ATP6V0A2: variants seen among roughly 807,000 people sequenced by gnomAD.
ATP6V0A2 encodes the protein V-type proton ATPase 116 kDa subunit a 2.
ATP6V0A2 carries 58 observed loss-of-function variants against 104.4 expected under a neutral mutation model. The observed-to-expected ratio is 0.56, with a 90% CI of 0.45 to 0.69. The LOEUF (loss-of-function observed/expected upper bound fraction) is 0.69. Ranked by LOEUF, ATP6V0A2 falls within the 30% of genes least tolerant of loss-of-function variation. The pLI is 0.00. For missense variants in ATP6V0A2, 938 were observed against 1,062.9 expected (o/e 0.88, Z 1.63); for synonymous variants, 376 against 397.9 (o/e 0.95, Z 0.65).
chr12:123,736,597 A>G (rs546439755), intron 8 of ATP6V0A2, among the ~76,000 whole-genome samples: 2 of 152,220 alleles, frequency 1.3e-5, no homozygotes, highest in African/African-American at 4.8e-5. Flanking sequence ...GATGACAGTG[A>G]GGGTTCTTGT....
chr12:123,748,844 C>A, intron 15 of ATP6V0A2, 59 bp downstream of exon 15: 1 of 1,500,688 alleles, frequency 6.7e-7, no homozygotes, highest in South Asian at 1.1e-5. Flanking sequence ...GTCTTTTATT[C>A]TGAGCAGTAG....
chr12:123,714,148 T>C (rs574767844), intron 1 of ATP6V0A2, among the ~76,000 whole-genome samples: 38 of 152,358 alleles, frequency 2.5e-4, no homozygotes, highest in South Asian at 8.3e-4. Context: ...AAGACACTTA[T>C]CACACTTCAG....
rs765064871 is a variant in ATP6V0A2 at position 123,727,765 on chromosome 12, G to T, written c.522-18G>T. ...TATTGCTTTCAGTTGACTACAGGTT[G>T]ACTTTACTGTCTCACAGATTTGTGT... On this transcript the variant is annotated intron_variant, in intron 5 of 19. Coordinates refer to ENST00000330342, the MANE Select transcript of ATP6V0A2 (RefSeq NM_012463.4). 6.2e-7 allele frequency: 1 copy of T among 1,613,900 alleles called. No homozygotes were observed. Among genetic ancestry groups the T allele is most frequent in the South Asian group, 1.1e-5 (1 of 91,050 alleles).
Position 123,757,940 on chromosome 12 carries a change from A to T in ATP6V0A2, c.2479A>T (p.Asn827Tyr). The T allele has an allele frequency of 6.3e-7, 1 of 1,599,280 alleles. No individual in the cohort carries two copies. The change falls in exon 20 of 20, where the codon AAC becomes TAC. Residue 827 changes from asparagine to tyrosine, a missense_variant. Coordinates refer to ENST00000330342, the MANE Select transcript of ATP6V0A2 (RefSeq NM_012463.4). ...AIRLHWVEFQ[N>Y]KFYVGAGTKF... ...TTTTTTTTTTAGGGTAGAATTTCAG[A>T]ACAAATTCTACGTTGGTGCAGGCAC...
At position 123,737,191 on chromosome 12, in the gene ATP6V0A2, A is replaced by T. The variant is rs1956563228; in HGVS notation, c.958A>T (p.Thr320Ser). 5.0e-6 allele frequency: 8 copies of T among 1,614,164 alleles called. No individual in the cohort carries two copies. Among genetic ancestry groups the T allele is most frequent in the Non-Finnish European group, 6.8e-6 (8 of 1,180,038 alleles). The change falls in exon 9 of 20, where the codon ACC becomes TCC. Residue 320 changes from threonine (T) to serine (S), a missense_variant. Coordinates refer to ENST00000330342, the MANE Select transcript of ATP6V0A2 (RefSeq NM_012463.4). ...HMLNMCSFDV[T>S]NKCLIAEVWC... ...GCTGAACATGTGCAGCTTTGACGTG[A>T]CCAACAAGTGCCTCATTGCTGAGGT...
At chr12:123,717,264 A>G (rs938908334) in intron 1 of ATP6V0A2, among the ~76,000 whole-genome samples, 2 of 149,370 alleles carry the variant, frequency 1.3e-5, no homozygotes, top group Admixed American at 1.4e-4. Context: ...GCAGTGAGCC[A>G]AGATACTGCC....
intron 17 of ATP6V0A2, among the ~76,000 whole-genome samples, chr12:123,752,938 C>T (rs1956730022): frequency 6.6e-6 from 1 of 152,142 alleles, no homozygotes; most frequent in Non-Finnish European, 1.5e-5. Context: ...TTGCCCTGGG[C>T]TTATTTTTTC....
rs77220701 is a variant in ATP6V0A2, at chr12:123,744,078, C to T, written c.1190-123C>T. The T allele has an allele frequency of 2.8e-3, 4,348 of 1,535,504 alleles. 85 individuals carry two copies. In the African/African-American group the frequency reaches 0.051, roughly 18 times the overall value. ...TAAAAGTATAAGGTTTTAAATGTAA[C>T]CACACAATCCTATCTTGTGAATTCT... is the stretch of plus-strand genomic sequence containing the variant. On this transcript the variant is annotated intron_variant, in intron 10 of 19. Coordinates refer to ENST00000330342, the MANE Select transcript of ATP6V0A2 (RefSeq NM_012463.4). This position sits in a 1 kb window ranked among gnomAD's most constrained non-coding sequence, Gnocchi z 5.4.
chr12:123,747,687 T>C lies in ATP6V0A2; in HGVS notation c.1686T>C (p.His562=), dbSNP rs2135913527. The C allele has an allele frequency of 5.0e-6, 8 of 1,612,248 alleles. No individual in the cohort carries two copies. The highest frequency in any genetic ancestry group is 6.8e-6 in the Non-Finnish European group (8 of 1,178,248). Residue 562 remains histidine (H), a synonymous_variant, in exon 14 of 20, where the codon CAT becomes CAC. Transcript: ENST00000330342. ...MKMSVILGII[H]MTFGVILGIF... Reference sequence around the variant, plus strand: ...TGTCCGTGATTTTAGGAATCATTCATATGACTTTTGGAGTCATTCTGGGAA... The same window carrying C: ...TGTCCGTGATTTTAGGAATCATTCACATGACTTTTGGAGTCATTCTGGGAA...
At position 123,722,417 on chromosome 12, in the gene ATP6V0A2, C is replaced by A; in HGVS notation, c.263C>A (p.Ala88Glu). ...CCTGAAGGAGAGGCCAGCCCTCCTG[C>A]GCCACCCCTGAAACAGGTTCTAGAA... ...PLPEGEASPP[A>E]PPLKQVLEMQ... Residue 88 changes from alanine (A) to glutamate (E), a missense_variant, in exon 3 of 20, where the codon GCG becomes GAG. By Grantham distance (107) the Ala-to-Glu change is moderately radical. Coordinates refer to ENST00000330342, the MANE Select transcript of ATP6V0A2 (RefSeq NM_012463.4). 1 of 1,611,274 alleles carries A rather than the reference C, an allele frequency of 6.2e-7. No homozygotes were observed. The highest frequency in any genetic ancestry group is 8.5e-7 in the Non-Finnish European group (1 of 1,177,414).
At chr12:123,729,872 T>G (rs1257117414) in intron 6 of ATP6V0A2, among the ~76,000 whole-genome samples, 2 of 152,048 alleles carry the variant, frequency 1.3e-5, no homozygotes, top group Non-Finnish European at 2.9e-5. Flanking sequence ...TGGAGTGCAG[T>G]GGCATGATCT....
rs561805851 is a variant in ATP6V0A2 at position 123,724,527 on chromosome 12, T to C, written c.295-127T>C. 4,286 of 869,796 alleles carry C rather than the reference T, an allele frequency of 4.9e-3. 14 individuals carry two copies. Among genetic ancestry groups the C allele is most frequent in the Non-Finnish European group, 6.4e-3 (3,694 of 580,858 alleles). 53.9% of individuals were successfully genotyped at this position (869,796 alleles called of 1,614,324 possible). A position where few individuals can be genotyped will look rare whatever the true frequency, so the allele number is the denominator to read the frequency against. ...CTGGGCGACAGAGGGAGACTCCATC[T>C]CAAAAAAAAAAAAAAGAAAAAAACA... is the stretch of plus-strand genomic sequence containing the variant. On this transcript the variant is annotated intron_variant, in intron 3 of 19. Coordinates refer to ENST00000330342, the MANE Select transcript of ATP6V0A2 (RefSeq NM_012463.4).
rs1408243805 is a variant in ATP6V0A2 at position 123,737,166 on chromosome 12, G to C, written c.933G>C (p.Met311Ile). Residue 311 changes from methionine to isoleucine, a missense_variant, in exon 9 of 20, where the codon ATG (methionine) becomes ATC (isoleucine). Met to Ile is a conservative substitution (Grantham distance 10). Transcript: ENST00000330342. ...AGAAAATGAAGGCCATCTATCACAT[G>C]CTGAACATGTGCAGCTTTGACGTGA... Reference protein sequence around the residue: ...QVKKMKAIYHMLNMCSFDVTN... With the variant: ...QVKKMKAIYHILNMCSFDVTN... The C allele has an allele frequency of 6.2e-7, 1 of 1,614,188 alleles. No homozygotes were observed. The highest frequency in any genetic ancestry group is 2.2e-5 in the East Asian group (1 of 44,876).
intron 16 of ATP6V0A2, among the ~76,000 whole-genome samples, chr12:123,751,576 C>T (rs1415312331): frequency 6.6e-6 from 1 of 152,026 alleles, no homozygotes; most frequent in Non-Finnish European, 1.5e-5. Context: ...ATGGCTTGAG[C>T]CTGGGAGGCA....
At chr12:123,737,937 T>G (rs1166443011) in intron 9 of ATP6V0A2, among the ~76,000 whole-genome samples, 1 of 152,260 alleles carries the variant, frequency 6.6e-6, no homozygotes, top group Non-Finnish European at 1.5e-5. Flanking sequence ...CATGGTTTAT[T>G]TAACTAGTTT....
intron 1 of ATP6V0A2, among the ~76,000 whole-genome samples, chr12:123,716,643 T>A (rs1348873565): frequency 1.3e-5 from 2 of 151,766 alleles, no homozygotes; most frequent in African/African-American, 4.8e-5. Context: ...ATACAAAAAT[T>A]AGCCGGGTGT....
chr12:123,745,011 T>A, intron 13 of ATP6V0A2, 39 bp downstream of exon 13: 1 of 1,590,388 alleles, frequency 6.3e-7, no homozygotes, highest in Non-Finnish European at 8.6e-7. Flanking sequence ...CTGGATGCTC[T>A]GTGGTGCCAC....
chr12:123,744,512 A>G lies in ATP6V0A2; in HGVS notation c.1327-85A>G. Reference sequence around the variant, plus strand: ...GGGCGAGGCTGTTTTCTGAGAAGTGAGTGGTGAGGGTCGTGCCCACACCGA... The same window carrying G: ...GGGCGAGGCTGTTTTCTGAGAAGTGGGTGGTGAGGGTCGTGCCCACACCGA... On this transcript the variant is annotated intron_variant, in intron 11 of 19. Coordinates refer to ENST00000330342, the MANE Select transcript of ATP6V0A2 (RefSeq NM_012463.4). The surrounding 1 kb of genome is among the most constrained non-coding windows in gnomAD (Gnocchi z 5.4). 6.3e-7 allele frequency: 1 copy of G among 1,585,110 alleles called. No homozygotes were observed. The highest frequency in any genetic ancestry group is 8.6e-7 in the Non-Finnish European group (1 of 1,158,134).
chr12:123,749,144 G>A (rs1004902968), intron 15 of ATP6V0A2, among the ~76,000 whole-genome samples: 1 of 152,138 alleles, frequency 6.6e-6, no homozygotes, highest in African/African-American at 2.4e-5. Context: ...ACAAAAATTT[G>A]TCAGGCATGA....
Sources: allele counts gnomAD v4.1 joint callset (sites outside exome capture counted in the v4.1 genomes callset), GRCh38; gene constraint gnomAD v4.1.1; non-coding constraint Gnocchi (gnomAD v3.1); transcripts MANE v1.5; gene names NCBI Gene and HGNC (gene_info 2026-07-23, HGNC 2026-07-21).